The following AFAP1L1 variants were observed in gnomAD, a reference collection of about 807,000 sequenced individuals.
AFAP1L1 encodes the protein actin filament associated protein 1 like 1, also known as actin filament-associated protein 1-like 1.
In AFAP1L1, 77 loss-of-function variants were observed where a neutral mutation model predicts 99.8. The ratio of observed to expected loss-of-function variants is 0.77; its 90% CI spans 0.64 to 0.93. The LOEUF (loss-of-function observed/expected upper bound fraction) is 0.93. Ranked by LOEUF, AFAP1L1 falls within the 40% of genes least tolerant of loss-of-function variation. The pLI is 0.00. For missense variants in AFAP1L1, 893 were observed against 996.8 expected, an observed-to-expected ratio of 0.90 and a Z score of 1.40; for synonymous variants, 373 against 395.3, an observed-to-expected ratio of 0.94 and a Z score of 0.67.
intron 16 of AFAP1L1, among the ~76,000 whole-genome samples, chr5:149,331,953 G>C (rs946181487): frequency 6.6e-6 from 1 of 152,152 alleles, no homozygotes; most frequent in East Asian, 1.9e-4. Context: ...GACCACCGCA[G>C]AGCCCTCTGG....
intron 7 of AFAP1L1, 102 bp downstream of exon 7, chr5:149,307,715 T>C: frequency 1.6e-6 from 2 of 1,276,302 alleles, no homozygotes; most frequent in Non-Finnish European, 2.2e-6. Context: ...CATACCTGGA[T>C]TGACTGTGTG....
intron 8 of AFAP1L1, 30 bp downstream of exon 8, chr5:149,310,165 T>C: frequency 3.2e-6 from 5 of 1,540,476 alleles, no homozygotes; most frequent in Non-Finnish European, 4.4e-6. Flanking sequence ...CCTTCCCGCC[T>C]TCTCACCCTT....
At chr5:149,288,552 G>T (rs1027357542) in intron 1 of AFAP1L1, among the ~76,000 whole-genome samples, 2 of 152,176 alleles carry the variant, frequency 1.3e-5, no homozygotes, top group African/African-American at 4.8e-5. Flanking sequence ...GGTGCAGGAC[G>T]CTGGATGCGG....
intron 1 of AFAP1L1, among the ~76,000 whole-genome samples, chr5:149,279,670 G>A (rs749346804): frequency 6.6e-6 from 1 of 152,156 alleles, no homozygotes; most frequent in South Asian, 2.1e-4. Flanking sequence ...TACTGTCCTT[G>A]TGGTGCCTCA....
rs531549353 is a variant in AFAP1L1, at chr5:149,281,319, T to C, written c.16+9335T>C. On this transcript the variant is annotated intron_variant, in intron 1 of 18. Coordinates refer to ENST00000296721, the MANE Select transcript of AFAP1L1 (RefSeq NM_152406.4). Reference sequence around the variant, plus strand: ...GTAGATAGCAGAGACATTCTCCCCATTGGACAGATGCAATAACTAAGGTTC... The same window carrying C: ...GTAGATAGCAGAGACATTCTCCCCACTGGACAGATGCAATAACTAAGGTTC... 6.6e-5 allele frequency among the ~76,000 whole-genome samples: 10 copies of C among 152,234 alleles called. No individual in the cohort carries two copies. In the East Asian group the frequency reaches 1.2e-3, roughly 18 times the overall value.
intron 7 of AFAP1L1, among the ~76,000 whole-genome samples, chr5:149,308,185 T>G (rs1004156663): frequency 6.6e-6 from 1 of 152,222 alleles, no homozygotes; most frequent in Non-Finnish European, 1.5e-5. Flanking sequence ...GGCTTTACCA[T>G]GTTTTTGTTT....
chr5:149,276,641 A>G (rs908454328), intron 1 of AFAP1L1: 1 of 151,300 alleles, frequency 6.6e-6, no homozygotes, highest in Admixed American at 6.7e-5. Context: ...GATCCACTCA[A>G]TAAATGCTGG....
intron 16 of AFAP1L1, among the ~76,000 whole-genome samples, chr5:149,331,165 C>T (rs1044658316): frequency 3.3e-5 from 5 of 151,946 alleles, no homozygotes; most frequent in African/African-American, 1.2e-4. Context: ...GGCTGGGTGC[C>T]GTGGTTCATG....
intron 9 of AFAP1L1, among the ~76,000 whole-genome samples, chr5:149,314,876 C>T (rs967640624): frequency 6.6e-6 from 1 of 152,190 alleles, no homozygotes; most frequent in Non-Finnish European, 1.5e-5. Context: ...CCAAGTGTGG[C>T]TGGCACAGTT....
In AFAP1L1 at chr5:149,316,264, C is replaced by A. The variant is rs190469835; in HGVS notation, c.1228C>A (p.Leu410Met). 2.4e-5 allele frequency: 39 copies of A among 1,614,104 alleles called. No individual in the cohort carries two copies. Among genetic ancestry groups the A allele is most frequent in the East Asian group, 2.2e-5 (1 of 44,870 alleles). ...FSKKKTLADD[L>M]QTSSTEEEVP... is the part of the protein sequence containing the mutation. ...CAAGAAGAAGACACTGGCCGATGAC[C>A]TGCAGACGTCCTCCACCGAGGAGGA... Residue 410 changes from leucine to methionine, a missense_variant, in exon 11 of 19, where the codon CTG (leucine) becomes ATG (methionine). Leu to Met is a conservative substitution (Grantham distance 15). Transcript: ENST00000296721.
chr5:149,284,933 C>T (rs1288245196), intron 1 of AFAP1L1, among the ~76,000 whole-genome samples: 1 of 152,176 alleles, frequency 6.6e-6, no homozygotes, highest in African/African-American at 2.4e-5. Context: ...TTTAAACTCT[C>T]CACTTTGAGT....
At chr5:149,334,832 C>A (rs1757356871) in intron 17 of AFAP1L1, among the ~76,000 whole-genome samples, 1 of 152,004 alleles carries the variant, frequency 6.6e-6, no homozygotes, top group Non-Finnish European at 1.5e-5. Flanking sequence ...TCACTTGAAC[C>A]TGGAAGGTGG....
At position 149,320,292 on chromosome 5, in the gene AFAP1L1, G is replaced by C; in HGVS notation, c.1626-99G>C. Reference sequence around the variant, plus strand: ...TTACCAATCTTCTGATCTGCCTTAAGAGTTTCTGCCAGAATCAATGAGAGT... The same window carrying C: ...TTACCAATCTTCTGATCTGCCTTAACAGTTTCTGCCAGAATCAATGAGAGT... On this transcript the variant is annotated intron_variant, in intron 13 of 18. Coordinates refer to ENST00000296721, the MANE Select transcript of AFAP1L1 (RefSeq NM_152406.4). This position sits in a 1 kb window ranked among gnomAD's most constrained non-coding sequence, Gnocchi z 4.0. 1 of 1,186,664 alleles carries C rather than the reference G, an allele frequency of 8.4e-7. No individual in the cohort carries two copies. Among genetic ancestry groups the C allele is most frequent in the East Asian group, 2.4e-5 (1 of 41,766 alleles). 73.5% of individuals were successfully genotyped at this position (1,186,664 alleles called of 1,614,324 possible). A position where few individuals can be genotyped will look rare whatever the true frequency, so the allele number is the denominator to read the frequency against.
chr5:149,272,062 G>T, intron 1 of AFAP1L1, 78 bp downstream of exon 1: 1 of 1,207,722 alleles, frequency 8.3e-7, no homozygotes, highest in Non-Finnish European at 1.0e-6. Flanking sequence ...AGCCGGAGAG[G>T]AGGAGGGAGA....
chr5:149,310,272 G>C, intron 8 of AFAP1L1, 137 bp downstream of exon 8: 2 of 1,111,434 alleles, frequency 1.8e-6, no homozygotes, highest in Non-Finnish European at 2.5e-6. Context: ...TGCGTGGCTA[G>C]GGCTTATGTA....
intron 8 of AFAP1L1, 23 bp downstream of exon 8, chr5:149,310,158 T>C (rs1286273258): frequency 6.4e-7 from 1 of 1,556,912 alleles, no homozygotes; most frequent in South Asian, 1.2e-5. Context: ...CACCTGACCT[T>C]CCCGCCTTCT....
rs55754968 is a variant in AFAP1L1 at position 149,323,662 on chromosome 5, G to A, written c.1810+945G>A. On this transcript the variant is annotated intron_variant, in intron 15 of 18. Transcript: ENST00000296721. ...TATAGATCATCCCTTCTGAGGGTCA[G>A]GAAATCTGTATTCCATTCCTCATTC... Among the ~76,000 whole-genome samples, 506 of 152,296 alleles carry A rather than the reference G, an allele frequency of 3.3e-3. 2 individuals are homozygous for A. Among genetic ancestry groups the A allele is most frequent in the African/African-American group, 0.012 (483 of 41,552 alleles).
intron 1 of AFAP1L1, among the ~76,000 whole-genome samples, chr5:149,291,532 AAAAAAAAAAAAAAAAAAAG>A (rs1199194287): frequency 2.2e-5 from 3 of 137,606 alleles, no homozygotes; most frequent in Non-Finnish European, 3.1e-5. Context: ...CTCAAAAAAA[AAAAAAAAAAAAAAAAAAAG>A]AAAGAAAGAA....
At chr5:149,319,976 GC>G (rs1756905871) in intron 13 of AFAP1L1, among the ~76,000 whole-genome samples, 1 of 152,236 alleles carries the variant, frequency 6.6e-6, no homozygotes, top group South Asian at 2.1e-4. Flanking sequence ...TGGAGTAGTG[GC>G]CTGGGCTCTG....
Sources: gnomAD v4.1 joint callset for allele counts (sites outside exome capture counted in the v4.1 genomes callset) on GRCh38, gnomAD v4.1.1 for gene constraint, Gnocchi (gnomAD v3.1) non-coding constraint, MANE v1.5 for transcripts, NCBI Gene and HGNC (gene_info 2026-07-23, HGNC 2026-07-21) for gene names.